Variants in SCN9A observed in about 807,000 individuals in gnomAD.
SCN9A encodes sodium channel protein type 9 subunit alpha.
SCN9A carries 131 observed loss-of-function variants against 187.0 expected under a neutral mutation model. The observed-to-expected ratio is 0.70, with a 90% confidence interval of 0.61 to 0.81. SCN9A has a LOEUF of 0.81. Among genes scored for constraint, SCN9A ranks in the 30% least tolerant of loss-of-function variants. The pLI is 0.00. For synonymous variants in SCN9A, 809 were observed against 808.6 expected, an observed-to-expected ratio of 1.00 and a Z score of -0.01; for missense variants, 2,252 against 2,396.6, an observed-to-expected ratio of 0.94 and a Z score of 1.26.
chr2:166,243,460 T>A (rs999260545), intron 18 of SCN9A, among the ~76,000 whole-genome samples: 2 of 152,048 alleles, frequency 1.3e-5, no homozygotes, highest in Non-Finnish European at 2.9e-5. Flanking sequence ...TCAGGGTTCA[T>A]TTTGATAGCA....
chr2:166,241,117 C>T (rs1253610309), intron 19 of SCN9A, among the ~76,000 whole-genome samples: 1 of 152,132 alleles, frequency 6.6e-6, no homozygotes, highest in African/African-American at 2.4e-5. Flanking sequence ...ATCAGATCAA[C>T]CTATTAGCAT....
chr2:166,348,292 T>C (rs1318985697), intron 1 of SCN9A, among the ~76,000 whole-genome samples: 1 of 152,004 alleles, frequency 6.6e-6, no homozygotes, highest in African/African-American at 2.4e-5. Flanking sequence ...GATATGCCCC[T>C]CAAGTTCCAC....
intron 15 of SCN9A, chr2:166,277,744 T>C: frequency 4.6e-6 from 1 of 218,956 alleles, no homozygotes; most frequent in East Asian, 1.0e-4. Context: ...TATTTGTTTT[T>C]ATATTGTTAA....
At chr2:166,288,925 C>T (rs1327561049) in intron 9 of SCN9A, among the ~76,000 whole-genome samples, 1 of 152,060 alleles carries the variant, frequency 6.6e-6, no homozygotes. Flanking sequence ...GAAAATTACT[C>T]ATAAAATTAA....
chr2:166,347,002 G>A (rs767039336), intron 1 of SCN9A, among the ~76,000 whole-genome samples: 1 of 152,164 alleles, frequency 6.6e-6, no homozygotes, highest in Non-Finnish European at 1.5e-5. Flanking sequence ...ATTGGGACTG[G>A]GAGTGAGTCA....
intron 11 of SCN9A, 23 bp from the exon 12 acceptor site, chr2:166,284,847 G>T: frequency 6.4e-7 from 1 of 1,564,452 alleles, no homozygotes; most frequent in South Asian, 1.2e-5. Context: ...TAAAAAAAAC[G>T]TGGTTGCTGA....
chr2:166,284,759 A>G lies in SCN9A; in HGVS notation c.1668T>C (p.Ser556=). ...ARRSSRTSLF[S]FKGRGRDIGS... ...CTATATCTCTTCCTCTGCCTTTGAA[A>G]CTAAAAAGACTTGTTCTGCTGCTTC... is the stretch of plus-strand genomic sequence containing the variant. The change falls in exon 12 of 27, where the codon AGT becomes AGC. Residue 556 remains serine, a synonymous_variant. Transcript: ENST00000642356. 1 of 1,613,818 alleles carries G rather than the reference A, an allele frequency of 6.2e-7. No individual in the cohort carries two copies. The highest frequency in any genetic ancestry group is 1.6e-4 in the Middle Eastern group (1 of 6,062).
In SCN9A at chr2:166,346,702, T is replaced by C. The variant is rs1349717427; in HGVS notation, c.-51+28995A>G. On this transcript the variant is annotated intron_variant, in intron 1 of 26. Transcript: ENST00000642356. ...TTGACACCAAAAGGAATTGGAAACT[T>C]ACTAAATATGGAGCAGGTGCAGAGA... 3.3e-5 allele frequency among the ~76,000 whole-genome samples: 5 copies of C among 152,164 alleles called. No homozygotes were observed. In the South Asian group the frequency reaches 1.0e-3, roughly 32 times the overall value.
intron 1 of SCN9A, among the ~76,000 whole-genome samples, chr2:166,335,022 A>G (rs1346858345): frequency 6.6e-6 from 1 of 152,120 alleles, no homozygotes; most frequent in Non-Finnish European, 1.5e-5. Context: ...ACCATTTTCA[A>G]TATTAGCTAA....
At chr2:166,261,576 G>A (rs1696509513) in intron 17 of SCN9A, among the ~76,000 whole-genome samples, 2 of 151,896 alleles carry the variant, frequency 1.3e-5, no homozygotes, top group Non-Finnish European at 2.9e-5. Flanking sequence ...TGGAGGCCAC[G>A]TGGACTGCTG....
rs758165714 is a variant in SCN9A at position 166,272,428 on chromosome 2, T to C, written c.3322A>G (p.Ser1108Gly). The C allele has an allele frequency of 4.4e-6, 7 of 1,605,162 alleles. No individual in the cohort carries two copies. The East Asian group carries it at 1.1e-4, about 26-fold the overall frequency. ...TTGCTGTATTCACTATCCGAATCAC[T>C]GCTAAGTTCCTCAGCATTCATATTT... ...LENMNAEELS[S>G]DSDSEYSKVR... The change falls in exon 17 of 27, where the codon AGT (serine) becomes GGT (glycine). Residue 1108 changes from serine (S) to glycine (G), a missense_variant. Ser to Gly is a moderately conservative substitution (Grantham distance 56, BLOSUM62 0). Around this residue, in one of 7 missense-constraint regions of SCN9A, gnomAD observed 313 missense variants for 295.3 expected, o/e 1.06. Coordinates refer to ENST00000642356, the MANE Select transcript of SCN9A (RefSeq NM_001365536.1).
In SCN9A at chr2:166,288,498, T is replaced by C; in HGVS notation, c.1253A>G (p.Gln418Arg). The change falls in exon 10 of 27, where the codon CAG becomes CGG. Residue 418 changes from glutamine to arginine, a missense_variant. By Grantham distance (43) the Gln-to-Arg change is conservative (BLOSUM62 1). Around this residue, in one of 7 missense-constraint regions of SCN9A, gnomAD observed 1,013 missense variants for 997.4 expected, o/e 1.02. Transcript: ENST00000642356. ...CATCTGTTGAAATTCTAATTCTTTC[T>C]GTTTAGCTTCTTCAATGTTTGCCTG... is the stretch of plus-strand genomic sequence containing the variant. ...QNQANIEEAK[Q>R]KELEFQQMLD... The C allele has an allele frequency of 6.2e-7, 1 of 1,613,362 alleles. No homozygotes were observed. Among genetic ancestry groups the C allele is most frequent in the Non-Finnish European group, 8.5e-7 (1 of 1,179,440 alleles).
chr2:166,311,750 T>C lies in SCN9A; in HGVS notation c.7A>G (p.Met3Val). The change falls in exon 2 of 27, where the codon ATG (methionine) becomes GTG (valine). Residue 3 changes from methionine to valine, a missense_variant. By Grantham distance (21) the Met-to-Val change is conservative. Transcript: ENST00000642356. ...CTCTGAGGTCCTGGGGGAGGCAACA[T>C]TGCCATCTTTTCATCCTGTATATTT... Reference protein sequence around the residue: MAMLPPPGPQSFV... With the variant: MAVLPPPGPQSFV... 2 of 1,600,304 alleles carry C rather than the reference T, an allele frequency of 1.2e-6. No individual in the cohort carries two copies. Among genetic ancestry groups the C allele is most frequent in the East Asian group, 2.2e-5 (1 of 44,750 alleles).
chr2:166,230,223 T>C (rs1574764598), intron 21 of SCN9A, among the ~76,000 whole-genome samples: 1 of 152,238 alleles, frequency 6.6e-6, no homozygotes, highest in Admixed American at 6.5e-5. Context: ...TGACCTTTGG[T>C]CCAGAGCAAT....
intron 26 of SCN9A, among the ~76,000 whole-genome samples, chr2:166,202,872 A>G (rs1335476494): frequency 2.0e-5 from 3 of 151,782 alleles, no homozygotes; most frequent in Non-Finnish European, 3.0e-5. Flanking sequence ...TATATGAACA[A>G]GTTCTTTCAT....
At chr2:166,236,560 A>C (rs1695327688) in intron 20 of SCN9A, among the ~76,000 whole-genome samples, 2 of 152,218 alleles carry the variant, frequency 1.3e-5, no homozygotes, top group African/African-American at 4.8e-5. Flanking sequence ...AGCTGGGATT[A>C]CAGGCACCTG....
intron 1 of SCN9A, among the ~76,000 whole-genome samples, chr2:166,360,148 G>A (rs1429366035): frequency 6.9e-6 from 1 of 145,290 alleles, no homozygotes; most frequent in Non-Finnish European, 1.5e-5. Flanking sequence ...TTGAACCCGG[G>A]AGGTGGATTG....
chr2:166,248,343 T>C (rs1695884627), intron 18 of SCN9A: 1 of 152,096 alleles, frequency 6.6e-6, no homozygotes, highest in Admixed American at 6.6e-5. Context: ...ATGTGGAAAC[T>C]ATGCATTTCC....
At position 166,280,665 on chromosome 2, in the gene SCN9A, G is replaced by A. The variant is rs115573501; in HGVS notation, c.2105-70C>T. ...TTCACTCCTAACCAGATACAAATCAGTCAGGCATTCTAATATTGAAACAAG... is the reference window on the plus strand; with the variant it reads ...TTCACTCCTAACCAGATACAAATCAATCAGGCATTCTAATATTGAAACAAG... On this transcript the variant is annotated intron_variant, in intron 13 of 26. Coordinates refer to ENST00000642356, the MANE Select transcript of SCN9A (RefSeq NM_001365536.1). The A allele has an allele frequency of 4.2e-3, 3,645 of 864,808 alleles. 11 individuals are homozygous for A. The highest frequency in any genetic ancestry group is 5.5e-3 in the Non-Finnish European group (3,040 of 555,686). 53.6% of individuals were successfully genotyped at this position (864,808 alleles called of 1,614,324 possible).
Sources: allele counts gnomAD v4.1 joint callset (sites outside exome capture counted in the v4.1 genomes callset), GRCh38; gene constraint gnomAD v4.1.1; regional missense constraint gnomAD v4.1.1; transcripts MANE v1.5; gene names NCBI Gene and HGNC (gene_info 2026-07-23, HGNC 2026-07-21).